STOML3: variants seen among roughly 807,000 people sequenced by gnomAD.
STOML3 encodes stomatin-like protein 3.
A neutral mutation model predicts 29.5 loss-of-function variants in STOML3; 31 were observed. The ratio of observed to expected loss-of-function variants is 1.05; its 90% CI spans 0.79 to 1.42. The LOEUF (loss-of-function observed/expected upper bound fraction) is 1.42. Among genes scored for constraint, STOML3 ranks in the 40% most tolerant of loss-of-function variants. STOML3 has a pLI of 0.00. For synonymous variants in STOML3, 122 were observed against 139.8 expected (o/e 0.87, Z 0.90); for missense variants, 380 against 363.0 (o/e 1.05, Z -0.38).
At chr13:38,985,889 C>CTTTTTTTT (rs200028643) in intron 1 of STOML3, among the ~76,000 whole-genome samples, 1 of 61,372 alleles carries the variant, frequency 1.6e-5, no homozygotes, top group African/African-American at 4.6e-5. Context: ...GTGGCTATTT[C>CTTTTTTTT]TTTTTTTTTT....
At chr13:38,973,359 G>A (rs150996181) in intron 3 of STOML3, among the ~76,000 whole-genome samples, 26 of 152,228 alleles carry the variant, frequency 1.7e-4, no homozygotes, top group African/African-American at 6.3e-4. Flanking sequence ...TCAGGCTGCT[G>A]TAACAAAATA....
chr13:38,966,032 G>A lies in STOML3; in HGVS notation c.*793C>T, dbSNP rs558474528. The A allele has an allele frequency of 3.3e-5, 5 of 152,334 alleles. No individual in the cohort carries two copies. In the South Asian group the frequency reaches 1.0e-3, roughly 32 times the overall value. The allele number at this position is 152,334 out of a possible 1,614,324, so 9.4% of individuals were successfully genotyped here. A position where few individuals can be genotyped will look rare whatever the true frequency, so the allele number is the denominator to read the frequency against. On this transcript the variant is annotated 3_prime_UTR_variant, in exon 7 of 7. Coordinates refer to ENST00000379631, the MANE Select transcript of STOML3 (RefSeq NM_145286.3). ...AGTTCACAAACATTCTCGATTACCT[G>A]TGGCTCCTGGGACTAAGAACAGAGT...
intron 4 of STOML3, 146 bp downstream of exon 4, chr13:38,972,366 A>C (rs2138009421): frequency 1.5e-6 from 1 of 682,234 alleles, no homozygotes; most frequent in South Asian, 2.1e-5. Context: ...GGAGCCACCA[A>C]GGAAGGGCAA....
intron 1 of STOML3, among the ~76,000 whole-genome samples, chr13:38,982,875 C>T (rs140669211): frequency 6.6e-6 from 1 of 152,214 alleles, no homozygotes; most frequent in Non-Finnish European, 1.5e-5. Flanking sequence ...CTCTGTCCAC[C>T]TGGCACAAAT....
At chr13:38,984,442 G>A (rs546465573) in intron 1 of STOML3, among the ~76,000 whole-genome samples, 16 of 152,226 alleles carry the variant, frequency 1.1e-4, no homozygotes, top group Non-Finnish European at 1.9e-4. Context: ...CACATACCAC[G>A]TAATGATGTT....
chr13:38,972,266 C>T (rs921529777), intron 4 of STOML3, among the ~76,000 whole-genome samples: 4 of 152,186 alleles, frequency 2.6e-5, no homozygotes, highest in Non-Finnish European at 5.9e-5. Flanking sequence ...GTCAGGCTTT[C>T]TCACACCAGG....
chr13:38,975,354 A>C (rs569241139), intron 3 of STOML3, among the ~76,000 whole-genome samples: 1 of 151,468 alleles, frequency 6.6e-6, no homozygotes, highest in South Asian at 2.1e-4. Flanking sequence ...AAAAAGAAGG[A>C]AAGCCAAGAA....
intron 1 of STOML3, among the ~76,000 whole-genome samples, chr13:38,990,073 G>A (rs1224656794): frequency 6.6e-6 from 1 of 152,116 alleles, no homozygotes; most frequent in Non-Finnish European, 1.5e-5. Context: ...GATAATGCAA[G>A]CAAAATGCTT....
Position 38,986,928 on chromosome 13 carries a change from T to C in STOML3, c.52+3742A>G, listed in dbSNP as rs150269513. Among the ~76,000 whole-genome samples, 480 of 152,176 alleles carry C rather than the reference T, an allele frequency of 3.2e-3. 2 individuals are homozygous for C. The highest frequency in any genetic ancestry group is 0.011 in the African/African-American group (452 of 41,500). Reference sequence around the variant, plus strand: ...TAAGGAGCTCCCCAGGAAGATTCTTTTGCATGTTAATTTTGAGAAGAGCAT... The same window carrying C: ...TAAGGAGCTCCCCAGGAAGATTCTTCTGCATGTTAATTTTGAGAAGAGCAT... On this transcript the variant is annotated intron_variant, in intron 1 of 6. Coordinates refer to ENST00000379631, the MANE Select transcript of STOML3 (RefSeq NM_145286.3).
intron 1 of STOML3, among the ~76,000 whole-genome samples, chr13:38,981,812 G>C (rs1023352785): frequency 6.6e-6 from 1 of 152,162 alleles, no homozygotes; most frequent in Admixed American, 6.6e-5. Context: ...CATATGTGCT[G>C]TTGGAAGTTA....
intron 3 of STOML3, among the ~76,000 whole-genome samples, chr13:38,975,412 T>C (rs1881038391): frequency 6.6e-6 from 1 of 152,130 alleles, no homozygotes; most frequent in Admixed American, 6.5e-5. Flanking sequence ...AATTTTTTTA[T>C]ATATTAACAG....
rs192889502 is a variant in STOML3, at chr13:38,974,552, C to G, written c.230-1958G>C. Among the ~76,000 whole-genome samples the G allele has an allele frequency of 4.0e-3, 605 of 152,202 alleles. 3 individuals are homozygous for G. The highest frequency in any genetic ancestry group is 0.012 in the African/African-American group (513 of 41,524). On this transcript the variant is annotated intron_variant, in intron 3 of 6. Transcript: ENST00000379631. ...GTGAAGATTAAGCATGATTCAACATCATGATGAAATAAAGTACTAAATACA... is the reference window on the plus strand; with the variant it reads ...GTGAAGATTAAGCATGATTCAACATGATGATGAAATAAAGTACTAAATACA...
At chr13:38,981,599 A>G (rs1881268070) in intron 1 of STOML3, among the ~76,000 whole-genome samples, 1 of 152,218 alleles carries the variant, frequency 6.6e-6, no homozygotes, top group African/African-American at 2.4e-5. Context: ...TGTTATCATA[A>G]ATAGTCTCTT....
At chr13:38,990,068 T>C (rs1868939643) in intron 1 of STOML3, among the ~76,000 whole-genome samples, 1 of 152,198 alleles carries the variant, frequency 6.6e-6, no homozygotes, top group African/African-American at 2.4e-5. Flanking sequence ...AAAGAGATAA[T>C]GCAAGCAAAA....
chr13:38,974,925 G>C (rs1440444486), intron 3 of STOML3, among the ~76,000 whole-genome samples: 1 of 152,282 alleles, frequency 6.6e-6, no homozygotes, highest in East Asian at 1.9e-4. Context: ...ATCCTGGGCT[G>C]TTATACCTCA....
At chr13:38,972,480 A>G (rs1458281077) in intron 4 of STOML3, 32 bp downstream of exon 4, 5 of 1,589,788 alleles carry the variant, frequency 3.1e-6, no homozygotes, top group Admixed American at 3.4e-5. Flanking sequence ...TACAAGTTTA[A>G]TTTCGAGTGA....
At chr13:38,970,643 G>T (rs1384799642) in intron 4 of STOML3, among the ~76,000 whole-genome samples, 1 of 152,152 alleles carries the variant, frequency 6.6e-6, no homozygotes, top group Non-Finnish European at 1.5e-5. Flanking sequence ...AGAAACCCTT[G>T]ACTTGACATG....
intron 1 of STOML3, chr13:38,980,277 G>A: frequency 1.4e-6 from 1 of 730,612 alleles, no homozygotes; most frequent in Non-Finnish European, 2.2e-6. Context: ...GGCTGTGAGT[G>A]CTGCTGTCAC....
intron 3 of STOML3, 57 bp from the exon 4 acceptor site, chr13:38,972,651 T>G (rs1227633222): frequency 6.7e-7 from 1 of 1,491,852 alleles, no homozygotes; most frequent in African/African-American, 1.4e-5. Flanking sequence ...CTACAAGTAG[T>G]CTCATAGCAG....
Sources: allele counts gnomAD v4.1 joint callset (sites outside exome capture counted in the v4.1 genomes callset), GRCh38; gene constraint gnomAD v4.1.1; transcripts MANE v1.5; gene names NCBI Gene and HGNC (gene_info 2026-07-23, HGNC 2026-07-21).